LYRM4: variants seen among roughly 807,000 people sequenced by gnomAD.
LYRM4 encodes LYR motif-containing protein 4.
In LYRM4, 9 loss-of-function variants were observed where a neutral mutation model predicts 11.7. That is an observed-to-expected ratio of 0.77 (90% CI 0.46 to 1.34). The LOEUF is 1.34. LYRM4 is among the 40% of genes most tolerant of loss of function. The probability of loss-of-function intolerance (pLI) is 0.00; values close to 1 mark genes in which losing one functional copy is unlikely to be tolerated. For missense variants in LYRM4, 133 were observed against 112.5 expected, an observed-to-expected ratio of 1.18 and a Z score of -0.82; for synonymous variants, 42 against 40.4, an observed-to-expected ratio of 1.04 and a Z score of -0.15.
intron 2 of LYRM4, among the ~76,000 whole-genome samples, chr6:5,162,867 A>C (rs2127656547): frequency 6.6e-6 from 1 of 152,332 alleles, no homozygotes; most frequent in East Asian, 1.9e-4. Context: ...AAAAGATGGA[A>C]TCCTTGTATG....
chr6:5,235,810 G>A (rs1347798044), intron 1 of LYRM4, among the ~76,000 whole-genome samples: 1 of 152,146 alleles, frequency 6.6e-6, no homozygotes, highest in Non-Finnish European at 1.5e-5. Flanking sequence ...AGCTTTACTT[G>A]GTTACAAAGT....
At chr6:5,183,365 A>G (rs1421385992) in intron 2 of LYRM4, among the ~76,000 whole-genome samples, 2 of 152,176 alleles carry the variant, frequency 1.3e-5, no homozygotes, top group African/African-American at 4.8e-5. Context: ...TTTCAGTGGC[A>G]TGCATTTTTT....
chr6:5,113,340 G>T, intron 2 of LYRM4: 1 of 450,166 alleles, frequency 2.2e-6, no homozygotes, highest in South Asian at 1.6e-5. Flanking sequence ...CAGAAGAATG[G>T]TTTGAACCTG....
At chr6:5,219,138 TAA>T (rs910309919) in intron 1 of LYRM4, among the ~76,000 whole-genome samples, 9 of 152,240 alleles carry the variant, frequency 5.9e-5, no homozygotes, top group Admixed American at 3.3e-4. Context: ...CTCATTTTTC[TAA>T]AAGCTAGTAA....
At chr6:5,158,205 T>C (rs1364262142) in intron 2 of LYRM4, among the ~76,000 whole-genome samples, 1 of 152,254 alleles carries the variant, frequency 6.6e-6, no homozygotes, top group African/African-American at 2.4e-5. Context: ...TATACACTTA[T>C]GTGTCTTCAT....
chr6:5,063,926 C>A, the LYRM4 span, among the ~76,000 whole-genome samples: 15 of 152,250 alleles, frequency 9.9e-5, no homozygotes, highest in South Asian at 1.7e-3. Context: ...GGCCTCTGGG[C>A]GAAGGGGTTG....
At chr6:5,055,289 G>A in the LYRM4 span, among the ~76,000 whole-genome samples, 354 of 152,248 alleles carry the variant, frequency 2.3e-3, 1 homozygote, top group Middle Eastern at 0.017. This position sits in a 1 kb window ranked among gnomAD's most constrained non-coding sequence, Gnocchi z 4.5. Flanking sequence ...CAGCCACCTT[G>A]GGCACATGTT....
the LYRM4 span, among the ~76,000 whole-genome samples, chr6:5,079,795 T>C: frequency 2.0e-5 from 3 of 152,222 alleles, no homozygotes; most frequent in Non-Finnish European, 4.4e-5. Flanking sequence ...TGATGGAGTG[T>C]TAACTTTGTT....
At chr6:5,133,984 C>T (rs79305728) in intron 2 of LYRM4, among the ~76,000 whole-genome samples, 3,559 of 152,328 alleles carry the variant, frequency 0.023, 148 homozygotes, top group African/African-American at 0.08. Context: ...GGAAATACCA[C>T]ATATTGTTGA....
chr6:5,249,796 C>T (rs986240567), intron 1 of LYRM4, among the ~76,000 whole-genome samples: 5 of 152,110 alleles, frequency 3.3e-5, no homozygotes, highest in Non-Finnish European at 5.9e-5. Flanking sequence ...TGGCTAGGTA[C>T]CAGTTGATTG....
At chr6:5,096,554 C>G in the LYRM4 span, among the ~76,000 whole-genome samples, 1 of 152,138 alleles carries the variant, frequency 6.6e-6, no homozygotes, top group South Asian at 2.1e-4. Flanking sequence ...AAGAAGTACC[C>G]TTAGCTATGG....
downstream of LYRM4, chr6:5,105,966 G>A (rs1762652365): frequency 6.6e-6 from 1 of 152,360 alleles, no homozygotes; most frequent in Non-Finnish European, 1.5e-5. Context: ...TTAGTTCTTT[G>A]CATGGAACTA....
chr6:5,033,129 T>A, the LYRM4 span: 1 of 151,270 alleles, frequency 6.6e-6, no homozygotes, highest in African/African-American at 2.4e-5. Context: ...TCAGGATATT[T>A]GTCCATGGGT....
chr6:5,119,712 C>T (rs903123372), intron 2 of LYRM4, among the ~76,000 whole-genome samples: 3 of 142,202 alleles, frequency 2.1e-5, no homozygotes, highest in Non-Finnish European at 4.5e-5. Flanking sequence ...ATGCTTGAAC[C>T]TGGGAGGCAG....
chr6:5,169,520 T>C (rs1218587126), intron 2 of LYRM4, among the ~76,000 whole-genome samples: 1 of 152,188 alleles, frequency 6.6e-6, no homozygotes, highest in African/African-American at 2.4e-5. Flanking sequence ...GCAGTGAGCA[T>C]GGGTTCTAAG....
chr6:5,176,954 T>G (rs796075161), intron 2 of LYRM4, among the ~76,000 whole-genome samples: 23 of 152,326 alleles, frequency 1.5e-4, no homozygotes, highest in African/African-American at 5.5e-4. Flanking sequence ...GTTTTAATAC[T>G]CCAAATAACT....
At chr6:5,077,520 G>C in the LYRM4 span, among the ~76,000 whole-genome samples, 1 of 152,148 alleles carries the variant, frequency 6.6e-6, no homozygotes, top group Non-Finnish European at 1.5e-5. Flanking sequence ...CGTGTATCAA[G>C]AGCTGACATT....
intron 1 of LYRM4, among the ~76,000 whole-genome samples, chr6:5,258,197 C>A (rs549109834): frequency 6.6e-6 from 1 of 152,276 alleles, no homozygotes; most frequent in South Asian, 2.1e-4. Flanking sequence ...GCAGACAGGG[C>A]TCCTGCTATC....
chr6:5,238,080 G>T (rs934399298), intron 1 of LYRM4, among the ~76,000 whole-genome samples: 1 of 151,896 alleles, frequency 6.6e-6, no homozygotes, highest in African/African-American at 2.4e-5. Flanking sequence ...CCTTTTGCTT[G>T]GAAACCTCAT....
Sources: gnomAD v4.1 joint callset for allele counts (sites outside exome capture counted in the v4.1 genomes callset) on GRCh38, gnomAD v4.1.1 for gene constraint, Gnocchi (gnomAD v3.1) non-coding constraint, MANE v1.5 for transcripts, NCBI Gene and HGNC (gene_info 2026-07-23, HGNC 2026-07-21) for gene names.